Variants in CORO1C observed in about 807,000 individuals in gnomAD.
The protein encoded by CORO1C is coronin-1C.
In CORO1C, 14 loss-of-function variants were observed where a neutral mutation model predicts 51.2. The observed-to-expected ratio is 0.27, with a 90% confidence interval of 0.18 to 0.43. The LOEUF (loss-of-function observed/expected upper bound fraction) is 0.43. Among genes scored for constraint, CORO1C ranks in the 20% least tolerant of loss-of-function variants. CORO1C has a pLI of 1.00. For synonymous variants in CORO1C, 181 were observed against 210.5 expected, an observed-to-expected ratio of 0.86 and a Z score of 1.21; for missense variants, 417 against 607.8, an observed-to-expected ratio of 0.69 and a Z score of 3.30.
intron 7 of CORO1C, 138 bp downstream of exon 7, chr12:108,654,168 T>A: frequency 3.4e-6 from 2 of 590,570 alleles, no homozygotes. Flanking sequence ...TACCAAATTA[T>A]CTGTCCTTGG....
intron 3 of CORO1C, among the ~76,000 whole-genome samples, chr12:108,670,884 G>A (rs1056921295): frequency 6.6e-6 from 1 of 151,332 alleles, no homozygotes; most frequent in Non-Finnish European, 1.5e-5. Flanking sequence ...AAAACAAAGT[G>A]ACAGACATCA....
chr12:108,666,634 A>C lies in CORO1C; in HGVS notation c.319-4476T>G, dbSNP rs1156925033. ...AACAAACAGAAGCACCACTTGGTAC[A>C]TGTTTGGTCCTCTTGTGTGTAATAT... On this transcript the variant is annotated intron_variant, in intron 3 of 10. Transcript: ENST00000261401. Among the ~76,000 whole-genome samples the C allele has an allele frequency of 2.6e-5, 4 of 152,138 alleles. No individual in the cohort carries two copies. In the East Asian group the frequency reaches 7.7e-4, roughly 29 times the overall value.
At chr12:108,697,440 C>A (rs1276670803) in intron 2 of CORO1C, among the ~76,000 whole-genome samples, 1 of 152,206 alleles carries the variant, frequency 6.6e-6, no homozygotes, top group African/African-American at 2.4e-5. Flanking sequence ...TGGAGCCTAA[C>A]ACACATCTAA....
intron 1 of CORO1C, among the ~76,000 whole-genome samples, chr12:108,727,922 C>A (rs1267915309): frequency 6.6e-6 from 1 of 152,112 alleles, no homozygotes; most frequent in Non-Finnish European, 1.5e-5. Context: ...AAAAAACGGG[C>A]AGAGCATTTG....
At chr12:108,689,958 G>A (rs2034439866) in intron 2 of CORO1C, among the ~76,000 whole-genome samples, 1 of 152,134 alleles carries the variant, frequency 6.6e-6, no homozygotes, top group African/African-American at 2.4e-5. Context: ...AGAGTTCAAA[G>A]GAGTCAAAAG....
intron 9 of CORO1C, 51 bp downstream of exon 9, chr12:108,648,912 T>C: frequency 6.2e-7 from 1 of 1,611,584 alleles, no homozygotes; most frequent in Non-Finnish European, 8.5e-7. Flanking sequence ...TTTTGAATTT[T>C]ATTTTTACAT....
chr12:108,695,531 G>A (rs1312306980), intron 2 of CORO1C, among the ~76,000 whole-genome samples: 2 of 152,102 alleles, frequency 1.3e-5, no homozygotes, highest in African/African-American at 4.8e-5. Context: ...CGCAGGCTGT[G>A]GTACCAGTGG....
chr12:108,680,663 A>G (rs2034093796), intron 2 of CORO1C, among the ~76,000 whole-genome samples: 1 of 152,196 alleles, frequency 6.6e-6, no homozygotes, highest in Non-Finnish European at 1.5e-5. Flanking sequence ...TAAATGAGAC[A>G]ATCAAGGTAA....
At chr12:108,687,556 G>A (rs541216383) in intron 2 of CORO1C, among the ~76,000 whole-genome samples, 46 of 152,080 alleles carry the variant, frequency 3.0e-4, no homozygotes, top group Middle Eastern at 3.4e-3. Flanking sequence ...AGGCTGAGGC[G>A]GGCGGATCAC....
At chr12:108,651,356 T>C (rs944751319) in intron 8 of CORO1C, among the ~76,000 whole-genome samples, 3 of 152,200 alleles carry the variant, frequency 2.0e-5, no homozygotes, top group African/African-American at 4.8e-5. Context: ...GAGGATATAT[T>C]TGTTGACTAG....
chr12:108,696,545 G>A (rs1207907779), intron 2 of CORO1C: 1 of 152,260 alleles, frequency 6.6e-6, no homozygotes, highest in East Asian at 1.9e-4. Context: ...ACAAAGGAAA[G>A]GCTTATTCAT....
chr12:108,687,923 C>A (rs1488738427), intron 2 of CORO1C, among the ~76,000 whole-genome samples: 1 of 134,388 alleles, frequency 7.4e-6, no homozygotes, highest in Non-Finnish European at 1.7e-5. Flanking sequence ...CCCCTCTGAC[C>A]CTTTTTTTTT....
chr12:108,708,007 C>T (rs185278940), intron 1 of CORO1C, among the ~76,000 whole-genome samples: 73 of 152,228 alleles, frequency 4.8e-4, no homozygotes, highest in African/African-American at 1.6e-3. Context: ...ATAGACAAAT[C>T]AGAACCCTCA....
chr12:108,677,572 G>A lies in CORO1C; in HGVS notation c.318+700C>T, dbSNP rs79190880. ...TATCTGCATAACTTTGGCATCTTAC[G>A]TCACTGTCTTGTACAGTCTGTGCCA... On this transcript the variant is annotated intron_variant, in intron 3 of 10. Coordinates refer to ENST00000261401, the MANE Select transcript of CORO1C (RefSeq NM_014325.4). Among the ~76,000 whole-genome samples, 876 of 152,226 alleles carry A rather than the reference G, an allele frequency of 5.8e-3. 13 individuals are homozygous for A. Among genetic ancestry groups the A allele is most frequent in the African/African-American group, 0.02 (826 of 41,536 alleles).
chr12:108,651,259 T>C (rs530511017), intron 8 of CORO1C, among the ~76,000 whole-genome samples: 5 of 152,372 alleles, frequency 3.3e-5, no homozygotes, highest in African/African-American at 1.2e-4. Flanking sequence ...AACACAGTGT[T>C]ACACAAATGT....
chr12:108,683,078 C>A (rs2034178468), intron 2 of CORO1C, among the ~76,000 whole-genome samples: 1 of 152,022 alleles, frequency 6.6e-6, no homozygotes, highest in Non-Finnish European at 1.5e-5. Context: ...TGAGTTGCTA[C>A]CTTGAGAAGT....
At chr12:108,682,901 A>C (rs1368307720) in intron 2 of CORO1C, among the ~76,000 whole-genome samples, 1 of 152,232 alleles carries the variant, frequency 6.6e-6, no homozygotes, top group Non-Finnish European at 1.5e-5. Context: ...AAATATTTTA[A>C]TTTACTAAAT....
intron 8 of CORO1C, chr12:108,649,252 T>C: frequency 1.7e-6 from 1 of 582,908 alleles, no homozygotes; most frequent in Non-Finnish European, 3.0e-6. Context: ...ACAAGAACCA[T>C]GAGTAGAGGT....
At position 108,645,298 on chromosome 12, in the gene CORO1C, T is replaced by G. The variant is rs1026947456; in HGVS notation, c.*2105A>C. 1.3e-5 allele frequency: 2 copies of G among 151,528 alleles called. No individual in the cohort carries two copies. The highest frequency in any genetic ancestry group is 2.9e-5 in the Non-Finnish European group (2 of 67,988). The allele number at this position is 151,528 out of a possible 1,614,324, so 9.4% of individuals were successfully genotyped here. On this transcript the variant is annotated 3_prime_UTR_variant, in exon 11 of 11. Transcript: ENST00000261401. ...AATGCTTTGGGCGCCTACTCTGAGC[T>G]TGGCTGGGCATCCATTCATTAAATA...
Sources: gnomAD v4.1 joint callset for allele counts (sites outside exome capture counted in the v4.1 genomes callset) on GRCh38, gnomAD v4.1.1 for gene constraint, MANE v1.5 for transcripts, NCBI Gene and HGNC (gene_info 2026-07-23, HGNC 2026-07-21) for gene names.